Variants in IMPG1 observed in about 807,000 individuals in gnomAD.
IMPG1 encodes the protein interphotoreceptor matrix proteoglycan 1.
In IMPG1, 85 loss-of-function variants were observed where a neutral mutation model predicts 92.0. The ratio of observed to expected loss-of-function variants is 0.92; its 90% confidence interval spans 0.78 to 1.11. The LOEUF (loss-of-function observed/expected upper bound fraction) is 1.11. Among genes scored for constraint, IMPG1 ranks in the 50% least tolerant of loss-of-function variants. IMPG1 has a pLI of 0.00. For missense variants in IMPG1, 1,022 were observed against 956.0 expected (o/e 1.07, Z -0.91); for synonymous variants, 367 against 334.1 (o/e 1.10, Z -1.08).
chr6:75,986,314 A>G (rs1457135581), intron 12 of IMPG1, among the ~76,000 whole-genome samples: 1 of 152,188 alleles, frequency 6.6e-6, no homozygotes, highest in Non-Finnish European at 1.5e-5. Flanking sequence ...GGAAGAAGAA[A>G]GAGAGTCAGG....
chr6:76,053,776 T>G (rs187732157), intron 1 of IMPG1, among the ~76,000 whole-genome samples: 95 of 152,274 alleles, frequency 6.2e-4, no homozygotes, highest in South Asian at 6.2e-4. Flanking sequence ...TGATTATAAT[T>G]TTACAAACCA....
At chr6:75,936,046 T>C (rs1035873353) in intron 14 of IMPG1, among the ~76,000 whole-genome samples, 1 of 152,192 alleles carries the variant, frequency 6.6e-6, no homozygotes, top group Admixed American at 6.5e-5. Flanking sequence ...TTGTGAGATG[T>C]TTGTACCTTC....
intron 3 of IMPG1, 57 bp downstream of exon 3, chr6:76,034,564 G>A (rs1783702868): frequency 2.5e-6 from 4 of 1,573,264 alleles, no homozygotes; most frequent in Middle Eastern, 1.9e-4. Context: ...CCTAGGGGCT[G>A]GAGCCTGGGA....
At chr6:75,981,492 C>T (rs1373238592) in intron 12 of IMPG1, among the ~76,000 whole-genome samples, 1 of 152,170 alleles carries the variant, frequency 6.6e-6, no homozygotes, top group African/African-American at 2.4e-5. Flanking sequence ...AAAGCAAATA[C>T]ATGTGAAAAA....
intron 12 of IMPG1, among the ~76,000 whole-genome samples, chr6:75,985,109 A>G (rs76246415): frequency 0.03 from 4,572 of 152,324 alleles, 218 homozygotes; most frequent in African/African-American, 0.1. Flanking sequence ...TTAAATATAA[A>G]CAAATAAAGA....
chr6:76,010,403 G>A (rs1319812058), intron 8 of IMPG1, among the ~76,000 whole-genome samples: 1 of 152,096 alleles, frequency 6.6e-6, no homozygotes, highest in Non-Finnish European at 1.5e-5. Context: ...TGAAAAATGA[G>A]AACTTACAAA....
intron 12 of IMPG1, among the ~76,000 whole-genome samples, chr6:76,000,043 C>T (rs1340420578): frequency 6.6e-6 from 1 of 152,200 alleles, no homozygotes; most frequent in Non-Finnish European, 1.5e-5. Flanking sequence ...ATAACCGAGA[C>T]TGTCCTCCTT....
intron 1 of IMPG1, among the ~76,000 whole-genome samples, chr6:76,065,425 T>C (rs1253582536): frequency 3.3e-5 from 5 of 151,946 alleles, no homozygotes; most frequent in Non-Finnish European, 5.9e-5. Flanking sequence ...AAAAAATTCA[T>C]TGAAGGAATT....
intron 5 of IMPG1, 94 bp downstream of exon 5, chr6:76,025,099 AC>A (rs1783500354): frequency 2.6e-6 from 2 of 773,050 alleles, no homozygotes; most frequent in Admixed American, 4.2e-5. Flanking sequence ...TACATTATAA[AC>A]ATTATCTTTA....
chr6:76,018,615 G>T, intron 7 of IMPG1, 103 bp downstream of exon 7: 1 of 1,028,130 alleles, frequency 9.7e-7, no homozygotes, highest in Non-Finnish European at 1.4e-6. Flanking sequence ...AAACATGAAT[G>T]CCAGGAGAAG....
chr6:75,983,339 T>C (rs151233557), intron 12 of IMPG1, among the ~76,000 whole-genome samples: 1 of 152,198 alleles, frequency 6.6e-6, no homozygotes, highest in Non-Finnish European at 1.5e-5. Flanking sequence ...ATTTGTGCTA[T>C]AGTAATCAAA....
chr6:75,973,441 G>T (rs927051742), intron 12 of IMPG1, among the ~76,000 whole-genome samples: 3 of 152,034 alleles, frequency 2.0e-5, no homozygotes, highest in Non-Finnish European at 2.9e-5. Context: ...ATTGCCTGTT[G>T]ACTTTGTGTC....
At chr6:75,947,903 C>A (rs1781954833) in intron 13 of IMPG1, among the ~76,000 whole-genome samples, 1 of 151,346 alleles carries the variant, frequency 6.6e-6, no homozygotes, top group Non-Finnish European at 1.5e-5. Context: ...CCAAACTGAG[C>A]CCAGGAGCAG....
intron 4 of IMPG1, 53 bp downstream of exon 4, chr6:76,034,261 TG>T: frequency 6.5e-7 from 1 of 1,540,416 alleles, no homozygotes; most frequent in South Asian, 1.1e-5. Flanking sequence ...CTCCATTATA[TG>T]ATCTTTTTAA....
In IMPG1 at chr6:76,034,351, A is replaced by T; in HGVS notation, c.469-8T>A. 2 of 1,611,146 alleles carry T rather than the reference A, an allele frequency of 1.2e-6. No homozygotes were observed. Among genetic ancestry groups the T allele is most frequent in the Non-Finnish European group, 1.7e-6 (2 of 1,177,708 alleles). On this transcript the variant is annotated splice_polypyrimidine_tract_variant and splice_region_variant and intron_variant, in intron 3 of 16. Transcript: ENST00000369950. ...ACTTCTCTGTTTTATTCTCTGCAAA[A>T]AGATAAAGATAAAATGTAATTTTAC...
Position 76,007,454 on chromosome 6 carries a change from A to G in IMPG1, c.887+26T>C, listed in dbSNP as rs1178383226. 2.6e-6 allele frequency: 4 copies of G among 1,556,090 alleles called. No homozygotes were observed. In the East Asian group the frequency reaches 6.8e-5, roughly 26 times the overall value. On this transcript the variant is annotated intron_variant, in intron 9 of 16. Transcript: ENST00000369950. ...TTTGGGGGAGACGGGAATGTACTAT[A>G]TTTCAAAACTTAAAGTCCAAATTAC...
chr6:75,991,903 G>C (rs1782819303), intron 12 of IMPG1, among the ~76,000 whole-genome samples: 1 of 152,094 alleles, frequency 6.6e-6, no homozygotes, highest in Admixed American at 6.5e-5. Context: ...CGACTGTGCT[G>C]AGCTCATTCA....
intron 2 of IMPG1, among the ~76,000 whole-genome samples, chr6:76,039,483 G>A (rs1463138305): frequency 1.3e-5 from 2 of 151,908 alleles, no homozygotes; most frequent in African/African-American, 4.8e-5. Context: ...AGCCTCCTGA[G>A]TTGCTGGGAT....
chr6:76,008,920 C>T (rs1264153464), intron 8 of IMPG1, among the ~76,000 whole-genome samples: 1 of 152,156 alleles, frequency 6.6e-6, no homozygotes, highest in African/African-American at 2.4e-5. Context: ...TGATCTGTTT[C>T]CTGTTACTAT....
Sources: allele counts gnomAD v4.1 joint callset (sites outside exome capture counted in the v4.1 genomes callset), GRCh38; gene constraint gnomAD v4.1.1; transcripts MANE v1.5; gene names NCBI Gene and HGNC (gene_info 2026-07-23, HGNC 2026-07-21).